Variants in SCGB3A1 observed in about 807,000 individuals in gnomAD.
SCGB3A1 encodes the protein cytokine HIN-1.
SCGB3A1 carries 7 observed loss-of-function variants against 7.6 expected under a neutral mutation model. The observed-to-expected ratio is 0.93, with a 90% CI of 0.53 to 1.74. SCGB3A1 has a LOEUF of 1.74. Among genes scored for constraint, SCGB3A1 ranks in the 40% most tolerant of loss-of-function variants. The probability of loss-of-function intolerance (pLI) is 0.00; values close to 1 mark genes in which losing one functional copy is unlikely to be tolerated. For synonymous variants in SCGB3A1, 67 were observed against 66.6 expected, an observed-to-expected ratio of 1.01 and a Z score of -0.03; for missense variants, 119 against 129.0, an observed-to-expected ratio of 0.92 and a Z score of 0.38.
Position 180,591,262 on chromosome 5 carries a change from GCGC to G in SCGB3A1, c.52+146_52+148del, listed in dbSNP as rs1561677511. The G allele has an allele frequency of 1.0e-5, 6 of 579,610 alleles. No individual in the cohort carries two copies. The East Asian group carries it at 1.9e-4, about 18-fold the overall frequency. The allele number at this position is 579,610 out of a possible 1,614,324, so 35.9% of individuals were successfully genotyped here. A position where few individuals can be genotyped will look rare whatever the true frequency, so the allele number is the denominator to read the frequency against. ...GAGAGGGGGAGGCCGCGGGCTGCAG[GCGC>G]GGGGCCCCGGGGTGGCGGAGCCCTC... On this transcript the variant is annotated intron_variant, in intron 1 of 2. Transcript: ENST00000292641.
In SCGB3A1 at chr5:180,590,139, G is replaced by T; in HGVS notation, c.*92C>A. On this transcript the variant is annotated 3_prime_UTR_variant, in exon 3 of 3. Coordinates refer to ENST00000292641, the MANE Select transcript of SCGB3A1 (RefSeq NM_052863.3). ...CCACGTTTATTGAGAGGGGCCGGGG[G>T]AAGGGGATGGACGGTCCTCCCCGCG... 2 of 1,375,950 alleles carry T rather than the reference G, an allele frequency of 1.5e-6. No homozygotes were observed. The highest frequency in any genetic ancestry group is 2.0e-6 in the Non-Finnish European group (2 of 986,056). The allele number at this position is 1,375,950 out of a possible 1,614,324, so 85.2% of individuals were successfully genotyped here.
Position 180,590,715 on chromosome 5 carries a change from A to G in SCGB3A1, c.176T>C (p.Leu59Pro), listed in dbSNP as rs767328587. Residue 59 changes from leucine (L) to proline (P), a missense_variant, in exon 2 of 3, where the codon CTC becomes CCC. By Grantham distance (98) the Leu-to-Pro change is moderately conservative (BLOSUM62 -3). Transcript: ENST00000292641. ...NPLGTLNPLK[L>P]LLSSLGIPVN... The stretch of plus-strand genomic sequence containing the variant: ...GGGGATGCCCAGGCTGCTCAGCAGG[A>G]GCTTCAGCGGGTTGAGGGTGCCGAG... 8 of 1,583,788 alleles carry G rather than the reference A, an allele frequency of 5.1e-6. No individual in the cohort carries two copies. The African/African-American group carries it at 1.1e-4, about 21-fold the overall frequency.
intron 1 of SCGB3A1, 62 bp downstream of exon 1, chr5:180,591,349 G>A: frequency 2.6e-6 from 3 of 1,147,658 alleles, no homozygotes; most frequent in South Asian, 4.4e-5. Flanking sequence ...GCAGCGGCGG[G>A]GGCGCAGCGG....
intron 2 of SCGB3A1, 25 bp downstream of exon 2, chr5:180,590,575 A>G: frequency 6.5e-7 from 1 of 1,548,704 alleles, no homozygotes; most frequent in African/African-American, 1.4e-5. Flanking sequence ...CCGCGCAGGA[A>G]GGGCACCCGG....
rs151275301 is a variant in SCGB3A1, at chr5:180,590,716, G to A, written c.175C>T (p.Leu59Phe). The change falls in exon 2 of 3, where the codon CTC (leucine) becomes TTC (phenylalanine). Residue 59 changes from leucine to phenylalanine, a missense_variant. Transcript: ENST00000292641. Reference sequence around the variant, plus strand: ...GGGATGCCCAGGCTGCTCAGCAGGAGCTTCAGCGGGTTGAGGGTGCCGAGG... The same window carrying A: ...GGGATGCCCAGGCTGCTCAGCAGGAACTTCAGCGGGTTGAGGGTGCCGAGG... ...NPLGTLNPLK[L>F]LLSSLGIPVN... 1 of 1,583,298 alleles carries A rather than the reference G, an allele frequency of 6.3e-7. No homozygotes were observed. The highest frequency in any genetic ancestry group is 2.3e-5 in the East Asian group (1 of 42,922).
intron 1 of SCGB3A1, 161 bp downstream of exon 1, chr5:180,591,250 C>T (rs1390846659): frequency 1.4e-5 from 7 of 497,874 alleles, no homozygotes; most frequent in African/African-American, 1.0e-4. Context: ...AGGGGGAGGC[C>T]GCGGGCTGCA....
chr5:180,591,333 G>A, intron 1 of SCGB3A1, 78 bp downstream of exon 1: 1 of 1,114,046 alleles, frequency 9.0e-7, no homozygotes, highest in African/African-American at 1.6e-5. Context: ...TCCACGATCG[G>A]CGCAGGCAGC....
intron 1 of SCGB3A1, 170 bp downstream of exon 1, chr5:180,591,240 AG>A: frequency 2.2e-6 from 1 of 449,106 alleles, no homozygotes; most frequent in East Asian, 3.9e-5. Context: ...CAGCCCTGAG[AG>A]GGGGAGGCCG....
rs1761307240 is a variant in SCGB3A1, at chr5:180,591,116, A to G, written c.53-278T>C. 2.3e-5 allele frequency: 10 copies of G among 439,768 alleles called. 2 individuals are homozygous for G. The South Asian group carries it at 4.7e-4, about 20-fold the overall frequency. The allele number at this position is 439,768 out of a possible 1,614,324, so 27.2% of individuals were successfully genotyped here. ...TGTGCAGGGTCCGGGACAGGCCCCCAAGGGAGGGGACACTCGCGCTGCGCC... is the reference window on the plus strand; with the variant it reads ...TGTGCAGGGTCCGGGACAGGCCCCCGAGGGAGGGGACACTCGCGCTGCGCC... On this transcript the variant is annotated intron_variant, in intron 1 of 2. Coordinates refer to ENST00000292641, the MANE Select transcript of SCGB3A1 (RefSeq NM_052863.3).
Sources: gnomAD v4.1 joint callset for allele counts on GRCh38, gnomAD v4.1.1 for gene constraint, MANE v1.5 for transcripts, NCBI Gene and HGNC (gene_info 2026-07-23, HGNC 2026-07-21) for gene names.